RALGPS2: variants seen among roughly 807,000 people sequenced by gnomAD.
RALGPS2 encodes ras-specific guanine nucleotide-releasing factor RalGPS2.
Under a neutral mutation model 86.8 loss-of-function variants are expected in RALGPS2, and 43 were observed. The ratio of observed to expected loss-of-function variants is 0.50; its 90% CI spans 0.39 to 0.64. RALGPS2 has a LOEUF of 0.64. Among genes scored for constraint, RALGPS2 ranks in the 30% least tolerant of loss-of-function variants. The pLI is 0.00. For missense variants in RALGPS2, 536 were observed against 694.6 expected, an observed-to-expected ratio of 0.77 and a Z score of 2.57; for synonymous variants, 243 against 231.3, an observed-to-expected ratio of 1.05 and a Z score of -0.46.
At chr1:178,880,118 A>G (rs1659180575) in intron 10 of RALGPS2, among the ~76,000 whole-genome samples, 1 of 152,156 alleles carries the variant, frequency 6.6e-6, no homozygotes, top group Non-Finnish European at 1.5e-5. Context: ...ATTTTTTCCA[A>G]TAAAAGGTCG....
At chr1:178,828,815 A>G (rs1655878875) in intron 7 of RALGPS2, among the ~76,000 whole-genome samples, 2 of 152,232 alleles carry the variant, frequency 1.3e-5, no homozygotes, top group South Asian at 4.1e-4. Context: ...ACTGTTGTAC[A>G]GTGTTGGTGG....
At chr1:178,877,004 A>T (rs1168914803) in intron 8 of RALGPS2, among the ~76,000 whole-genome samples, 1 of 152,166 alleles carries the variant, frequency 6.6e-6, no homozygotes. Context: ...AGTAAAAACA[A>T]ATATTAAATA....
intron 8 of RALGPS2, among the ~76,000 whole-genome samples, chr1:178,849,051 G>A (rs1657014731): frequency 6.6e-6 from 1 of 152,190 alleles, no homozygotes; most frequent in East Asian, 1.9e-4. Context: ...GAGTACTTAC[G>A]AATGTCAAGC....
chr1:178,786,858 G>A (rs1023575488), intron 4 of RALGPS2, among the ~76,000 whole-genome samples: 1 of 151,988 alleles, frequency 6.6e-6, no homozygotes. Flanking sequence ...CCTACATGAT[G>A]TAGGTAGTAT....
intron 1 of RALGPS2, among the ~76,000 whole-genome samples, chr1:178,754,076 C>G (rs1572288955): frequency 6.6e-6 from 1 of 151,888 alleles, no homozygotes; most frequent in East Asian, 1.9e-4. Context: ...CCCGCCTCGG[C>G]CTCCCAAAGT....
Position 178,776,788 on chromosome 1 carries a change from A to T in RALGPS2, c.24A>T (p.Ala8=). 1 of 1,613,286 alleles carries T rather than the reference A, an allele frequency of 6.2e-7. No individual in the cohort carries two copies. The highest frequency in any genetic ancestry group is 8.5e-7 in the Non-Finnish European group (1 of 1,179,518). ...GCATGGACCTAATGAACGGGCAGGC[A>T]AGCAGTGTCAATATTGCAGCTACTG... MDLMNGQ[A]SSVNIAATAS... The change falls in exon 2 of 20, where the codon GCA becomes GCT. Residue 8 remains alanine (A), a synonymous_variant. Transcript: ENST00000367635.
chr1:178,879,097 A>G (rs984958629), intron 10 of RALGPS2, 105 bp downstream of exon 10: 3 of 1,457,744 alleles, frequency 2.1e-6, no homozygotes, highest in Non-Finnish European at 2.7e-6. Context: ...CATACAAAGG[A>G]CTAATCCAGT....
intron 4 of RALGPS2, among the ~76,000 whole-genome samples, chr1:178,797,788 C>T (rs1290099211): frequency 6.6e-6 from 1 of 151,962 alleles, no homozygotes; most frequent in African/African-American, 2.4e-5. Context: ...ACTATTGCAT[C>T]ACCACAAAGA....
intron 19 of RALGPS2, among the ~76,000 whole-genome samples, chr1:178,915,102 A>G (rs193200434): frequency 1.0e-4 from 16 of 152,392 alleles, no homozygotes; most frequent in African/African-American, 1.7e-4. Context: ...TGCAAGAATT[A>G]GAATAGTGGC....
intron 14 of RALGPS2, among the ~76,000 whole-genome samples, chr1:178,891,818 T>C (rs1458238297): frequency 6.6e-6 from 1 of 152,054 alleles, no homozygotes; most frequent in Non-Finnish European, 1.5e-5. Flanking sequence ...TAGGGACATA[T>C]AATAAAAATG....
intron 16 of RALGPS2, among the ~76,000 whole-genome samples, chr1:178,895,232 T>C (rs961506646): frequency 2.0e-5 from 3 of 152,118 alleles, no homozygotes; most frequent in African/African-American, 7.2e-5. Context: ...CTTAAAGCTT[T>C]TGAAGATATG....
chr1:178,747,127 A>G (rs1651381682), intron 1 of RALGPS2: 2 of 949,598 alleles, frequency 2.1e-6, no homozygotes, highest in Admixed American at 3.6e-5. Flanking sequence ...TGTTAATATC[A>G]TCTCCTTTTT....
intron 8 of RALGPS2, chr1:178,851,310 C>T: frequency 6.2e-7 from 1 of 1,606,252 alleles, no homozygotes; most frequent in Non-Finnish European, 8.5e-7. Context: ...AAAGTGGGCG[C>T]AGTTTCCTTT....
At chr1:178,904,525 G>A (rs1660312991) in intron 18 of RALGPS2, among the ~76,000 whole-genome samples, 1 of 152,144 alleles carries the variant, frequency 6.6e-6, no homozygotes, top group Admixed American at 6.6e-5. Flanking sequence ...GTTGATTTTT[G>A]TATAAGGTGA....
chr1:178,851,453 T>C, intron 8 of RALGPS2: 2 of 716,056 alleles, frequency 2.8e-6, no homozygotes, highest in Non-Finnish European at 4.2e-6. Flanking sequence ...CAGTTTTAAA[T>C]GCCTTCACTT....
At chr1:178,853,797 A>C in intron 8 of RALGPS2, 3 of 1,542,426 alleles carry the variant, frequency 1.9e-6, no homozygotes, top group Non-Finnish European at 2.6e-6. Context: ...CCTATAATTT[A>C]AATATCATTT....
In RALGPS2 at chr1:178,885,106, G is replaced by A. The variant is rs1434796893; in HGVS notation, c.935G>A (p.Gly312Glu). Residue 312 changes from glycine (G) to glutamate (E), a missense_variant, in exon 12 of 20, where the codon GGA (glycine) becomes GAA (glutamate). Physicochemically the swap from Gly to Glu is moderately conservative, Grantham distance 98 (BLOSUM62 -2). Transcript: ENST00000367635. ...GAAGTAGGAGCGTCTCCACAGAGTG[G>A]ACGAAAAAGTGTGGCAGCTGAAGGA... ...GPEVGASPQS[G>E]RKSVAAEGAL... The A allele has an allele frequency of 6.2e-7, 1 of 1,609,462 alleles. No homozygotes were observed. Among genetic ancestry groups the A allele is most frequent in the Non-Finnish European group, 8.5e-7 (1 of 1,178,778 alleles).
chr1:178,789,556 T>G (rs1184151744), intron 4 of RALGPS2, among the ~76,000 whole-genome samples: 1 of 152,210 alleles, frequency 6.6e-6, no homozygotes, highest in African/African-American at 2.4e-5. Flanking sequence ...TTGCAGGAGT[T>G]TGGCTTTGGA....
At chr1:178,893,245 A>ATT (rs11445608) in intron 15 of RALGPS2, among the ~76,000 whole-genome samples, 84 of 145,794 alleles carry the variant, frequency 5.8e-4, no homozygotes, top group African/African-American at 1.7e-3. Context: ...TTATTTTGTG[A>ATT]TTTTTTTTTT....
Sources: allele counts gnomAD v4.1 joint callset (sites outside exome capture counted in the v4.1 genomes callset), GRCh38; gene constraint gnomAD v4.1.1; transcripts MANE v1.5; gene names NCBI Gene and HGNC (gene_info 2026-07-23, HGNC 2026-07-21).